Variants in PBX1 observed in about 807,000 individuals in gnomAD.
The protein encoded by PBX1 is PBX homeobox 1, also known as pre-B-cell leukemia transcription factor 1.
In PBX1, 6 loss-of-function variants were observed where a neutral mutation model predicts 53.4. The ratio of observed to expected loss-of-function variants is 0.11; its 90% CI spans 0.06 to 0.22. The LOEUF (loss-of-function observed/expected upper bound fraction) is 0.22, where lower values mean the gene tolerates loss of function less well. PBX1 is among the 10% of genes least tolerant of loss of function. The pLI, the probability that PBX1 is intolerant of heterozygous loss-of-function variation, is 1.00. For missense variants in PBX1, 251 were observed against 551.4 expected (o/e 0.46, Z 5.46); for synonymous variants, 204 against 212.3 (o/e 0.96, Z 0.34).
intron 2 of PBX1, among the ~76,000 whole-genome samples, chr1:164,577,315 G>A (rs998934167): frequency 6.6e-6 from 1 of 152,152 alleles, no homozygotes; most frequent in Admixed American, 6.5e-5. Context: ...AAGGTTTGGG[G>A]CCTTCAGACA....
intron 4 of PBX1, 67 bp downstream of exon 4, chr1:164,799,956 C>T (rs972124211): frequency 8.4e-6 from 12 of 1,433,276 alleles, no homozygotes; most frequent in African/African-American, 7.0e-5. Context: ...AGTCCACAGC[C>T]GCTGCCCCCT....
intron 8 of PBX1, among the ~76,000 whole-genome samples, chr1:164,834,946 T>C (rs1314183584): frequency 1.3e-5 from 2 of 152,220 alleles, no homozygotes; most frequent in Non-Finnish European, 2.9e-5. Context: ...GTATTTAATG[T>C]AGAAAATTTG....
At chr1:164,870,301 C>CTTTA (rs1178939897) in intron 2 of PBX1, among the ~76,000 whole-genome samples, 1 of 58,240 alleles carries the variant, frequency 1.7e-5, no homozygotes, top group Non-Finnish European at 3.4e-5. Flanking sequence ...TTCTTTCTTT[C>CTTTA]TTTCTTTCTT....
intron 2 of PBX1, among the ~76,000 whole-genome samples, chr1:164,654,006 A>G (rs148898323): frequency 9.9e-4 from 151 of 152,334 alleles, no homozygotes; most frequent in Middle Eastern, 3.4e-3. Flanking sequence ...CAAGATTAAA[A>G]TGGAATTTTG....
At chr1:164,646,571 GT>G (rs769977310) in intron 2 of PBX1, among the ~76,000 whole-genome samples, 8 of 152,096 alleles carry the variant, frequency 5.3e-5, no homozygotes, top group Admixed American at 1.3e-4. Context: ...ATTATTCCTT[GT>G]TTCTGAATGC....
intron 2 of PBX1, among the ~76,000 whole-genome samples, chr1:164,749,993 G>T (rs1457527841): frequency 6.6e-6 from 1 of 152,118 alleles, no homozygotes; most frequent in Non-Finnish European, 1.5e-5. Flanking sequence ...CCAGCTACTT[G>T]GGAGGCTGAG....
At chr1:164,631,296 T>G (rs1018582382) in intron 2 of PBX1, among the ~76,000 whole-genome samples, 9 of 152,186 alleles carry the variant, frequency 5.9e-5, no homozygotes, top group Admixed American at 3.9e-4. Flanking sequence ...CTTTTTTTTT[T>G]TTCTACAGTA....
intron 2 of PBX1, among the ~76,000 whole-genome samples, chr1:164,779,042 A>AT (rs11350510): frequency 0.026 from 3,377 of 132,036 alleles, 43 homozygotes; most frequent in Middle Eastern, 0.044. Context: ...AAAGGAGATA[A>AT]TTTTTTTTTT....
At chr1:164,674,724 C>G (rs1318410159) in intron 2 of PBX1, 1 of 152,074 alleles carries the variant, frequency 6.6e-6, no homozygotes, top group Non-Finnish European at 1.5e-5. Flanking sequence ...ACTACCCACT[C>G]TACCAAGTTG....
intron 2 of PBX1, chr1:164,682,204 T>C (rs1455423354): frequency 6.6e-6 from 1 of 152,252 alleles, no homozygotes; most frequent in Non-Finnish European, 1.5e-5. Context: ...ATAATCCTAC[T>C]TTTCTTTAAT....
Position 164,848,267 on chromosome 1 carries a change from A to G in PBX1, c.*1591A>G, listed in dbSNP as rs1311724845. 1 of 1,055,960 alleles carries G rather than the reference A, an allele frequency of 9.5e-7. No individual in the cohort carries two copies. The highest frequency in any genetic ancestry group is 1.1e-6 in the Non-Finnish European group (1 of 873,582). The allele number at this position is 1,055,960 out of a possible 1,614,324, so 65.4% of individuals were successfully genotyped here. A position where few individuals can be genotyped will look rare whatever the true frequency, so the allele number is the denominator to read the frequency against. ...AAAGTCACCTGAGCTCACCATCTTC[A>G]TAGCCAACCCTACCAGTTATAAAGA... On this transcript the variant is annotated 3_prime_UTR_variant, in exon 9 of 9. Transcript: ENST00000420696.
At chr1:164,647,471 C>T (rs930590486) in intron 2 of PBX1, among the ~76,000 whole-genome samples, 3 of 152,156 alleles carry the variant, frequency 2.0e-5, no homozygotes, top group Non-Finnish European at 4.4e-5. Flanking sequence ...TTCTGTCAGC[C>T]TCCTCCATGA....
chr1:164,764,335 A>G (rs1234819878), intron 2 of PBX1, among the ~76,000 whole-genome samples: 1 of 152,216 alleles, frequency 6.6e-6, no homozygotes, highest in Non-Finnish European at 1.5e-5. Context: ...TATGTTCACG[A>G]CAGGAAGGAT....
chr1:164,874,850 T>A (rs900257884), intron 2 of PBX1, among the ~76,000 whole-genome samples: 9 of 152,170 alleles, frequency 5.9e-5, no homozygotes, highest in Admixed American at 4.6e-4. Context: ...CTATTGCATG[T>A]TTTAACAGAG....
intron 2 of PBX1, among the ~76,000 whole-genome samples, chr1:164,773,570 G>A (rs1237406124): frequency 6.7e-6 from 1 of 148,560 alleles, no homozygotes; most frequent in Non-Finnish European, 1.5e-5. Flanking sequence ...GATTAAATGT[G>A]GAGAGTGGTT....
At chr1:164,861,520 G>T (rs779217324) in intron 2 of PBX1, among the ~76,000 whole-genome samples, 1 of 152,146 alleles carries the variant, frequency 6.6e-6, no homozygotes, top group South Asian at 2.1e-4. Context: ...GCTCCACCGT[G>T]TGCCAGGCAC....
intron 2 of PBX1, among the ~76,000 whole-genome samples, chr1:164,767,750 C>T (rs925168766): frequency 6.6e-6 from 1 of 151,508 alleles, no homozygotes; most frequent in South Asian, 2.1e-4. Context: ...AGATAAGGCT[C>T]ATTCTTATGT....
At chr1:164,862,749 C>T (rs988315638) in intron 2 of PBX1, among the ~76,000 whole-genome samples, 1 of 152,162 alleles carries the variant, frequency 6.6e-6, no homozygotes, top group Non-Finnish European at 1.5e-5. Flanking sequence ...CTCGGTCCAG[C>T]CAACACCATT....
intron 2 of PBX1, among the ~76,000 whole-genome samples, chr1:164,881,527 G>A (rs994639946): frequency 1.4e-5 from 2 of 145,092 alleles, no homozygotes; most frequent in African/African-American, 2.6e-5. Context: ...ATATTTGTAA[G>A]AGTACTAAAG....
Sources: gnomAD v4.1 joint callset for allele counts (sites outside exome capture counted in the v4.1 genomes callset) on GRCh38, gnomAD v4.1.1 for gene constraint, MANE v1.5 for transcripts, NCBI Gene and HGNC (gene_info 2026-07-23, HGNC 2026-07-21) for gene names.